CDK6: variants seen among roughly 807,000 people sequenced by gnomAD.
CDK6 encodes the protein cyclin dependent kinase 6, also known as cyclin-dependent kinase 6.
In CDK6, 6 loss-of-function variants were observed where a neutral mutation model predicts 37.1. That is an observed-to-expected ratio of 0.16 (90% CI 0.09 to 0.32). The LOEUF (loss-of-function observed/expected upper bound fraction) is 0.32, where lower values mean the gene tolerates loss of function less well. Ranked by LOEUF, CDK6 falls within the 10% of genes least tolerant of loss-of-function variation. CDK6 has a pLI of 1.00. For missense variants in CDK6, 224 were observed against 418.9 expected, an observed-to-expected ratio of 0.53 and a Z score of 4.06; for synonymous variants, 160 against 161.3, an observed-to-expected ratio of 0.99 and a Z score of 0.06.
intron 4 of CDK6, among the ~76,000 whole-genome samples, chr7:92,696,394 A>G (rs1437155775): frequency 6.6e-6 from 1 of 152,182 alleles, no homozygotes; most frequent in Non-Finnish European, 1.5e-5. Flanking sequence ...GCTTATTATT[A>G]TATGTTGTTG....
chr7:92,754,709 T>G (rs1455458465), intron 3 of CDK6, among the ~76,000 whole-genome samples: 1 of 152,210 alleles, frequency 6.6e-6, no homozygotes, highest in Non-Finnish European at 1.5e-5. Flanking sequence ...ATTTTAGAGT[T>G]TCTTTTCTCA....
At chr7:92,740,833 A>G (rs1798905428) in intron 3 of CDK6, among the ~76,000 whole-genome samples, 1 of 152,154 alleles carries the variant, frequency 6.6e-6, no homozygotes, top group Admixed American at 6.5e-5. Flanking sequence ...CAAGGCCCAT[A>G]TCATCAGAAA....
intron 5 of CDK6, among the ~76,000 whole-genome samples, chr7:92,643,213 T>A (rs1796356268): frequency 6.6e-6 from 1 of 152,128 alleles, no homozygotes; most frequent in South Asian, 2.1e-4. Flanking sequence ...AAAATACAAA[T>A]GAACTAATGG....
At chr7:92,781,805 G>C (rs937431425) in intron 2 of CDK6, among the ~76,000 whole-genome samples, 2 of 152,124 alleles carry the variant, frequency 1.3e-5, no homozygotes, top group African/African-American at 2.4e-5. Flanking sequence ...ATTTGGAATC[G>C]AGAAGAATTT....
chr7:92,690,693 T>C (rs889133581), intron 4 of CDK6, among the ~76,000 whole-genome samples: 2 of 152,246 alleles, frequency 1.3e-5, no homozygotes, highest in Admixed American at 1.3e-4. Flanking sequence ...CACTACTCTA[T>C]GACAACGTAT....
chr7:92,623,487 A>C (rs1346378862), intron 5 of CDK6, among the ~76,000 whole-genome samples: 1 of 151,814 alleles, frequency 6.6e-6, no homozygotes, highest in Non-Finnish European at 1.5e-5. Flanking sequence ...TTTCCATACT[A>C]CTCTGCTATC....
Position 92,606,133 on chromosome 7 carries a change from C to T in CDK6, c.*9007G>A, listed in dbSNP as rs867916818. The T allele has an allele frequency of 1.7e-5, 4 of 233,380 alleles. No homozygotes were observed. Among genetic ancestry groups the T allele is most frequent in the African/African-American group, 8.8e-5 (4 of 45,308 alleles). 14.5% of individuals were successfully genotyped at this position (233,380 alleles called of 1,614,324 possible). On this transcript the variant is annotated 3_prime_UTR_variant, in exon 8 of 8. Coordinates refer to ENST00000424848, the MANE Select transcript of CDK6 (RefSeq NM_001145306.2). ...AATGAATTTCAAGTATGAAGAAATACAGTAAAAGTGTGGCCTGTAGATGGA... is the reference window on the plus strand; with the variant it reads ...AATGAATTTCAAGTATGAAGAAATATAGTAAAAGTGTGGCCTGTAGATGGA...
At chr7:92,745,020 T>G (rs1267526104) in intron 3 of CDK6, among the ~76,000 whole-genome samples, 1 of 152,192 alleles carries the variant, frequency 6.6e-6, no homozygotes, top group South Asian at 2.1e-4. Flanking sequence ...AATGTGATGT[T>G]TTGATAAATG....
intron 2 of CDK6, among the ~76,000 whole-genome samples, chr7:92,814,330 T>C (rs1030178876): frequency 6.6e-6 from 1 of 152,198 alleles, no homozygotes; most frequent in Admixed American, 6.5e-5. Context: ...GAATGTGGAA[T>C]AAATAGGGGA....
chr7:92,669,842 T>C (rs1249253907), intron 5 of CDK6, among the ~76,000 whole-genome samples: 1 of 152,204 alleles, frequency 6.6e-6, no homozygotes, highest in Non-Finnish European at 1.5e-5. Context: ...TCCTGGAGGC[T>C]GTATTAGGAT....
chr7:92,682,101 A>G (rs1797351040), intron 4 of CDK6, among the ~76,000 whole-genome samples: 1 of 151,864 alleles, frequency 6.6e-6, no homozygotes. Flanking sequence ...CCTCTCCTGG[A>G]TGGTCCAAAT....
chr7:92,796,086 T>C (rs1554415428), intron 2 of CDK6, among the ~76,000 whole-genome samples: 1 of 134,400 alleles, frequency 7.4e-6, no homozygotes, highest in Non-Finnish European at 1.6e-5. Flanking sequence ...GAAATTAACT[T>C]GGAGAAAAAA....
chr7:92,648,230 A>G (rs1796494677), intron 5 of CDK6, among the ~76,000 whole-genome samples: 1 of 152,166 alleles, frequency 6.6e-6, no homozygotes, highest in Admixed American at 6.5e-5. Context: ...TGAGTAATAA[A>G]CTAGGCTTTG....
intron 2 of CDK6, among the ~76,000 whole-genome samples, chr7:92,824,367 A>G (rs1801257415): frequency 6.6e-6 from 1 of 152,126 alleles, no homozygotes; most frequent in South Asian, 2.1e-4. Flanking sequence ...TAAAAAATAA[A>G]AGAAAGAAAG....
intron 3 of CDK6, among the ~76,000 whole-genome samples, chr7:92,753,101 T>C (rs1799224059): frequency 6.6e-6 from 1 of 152,178 alleles, no homozygotes; most frequent in Non-Finnish European, 1.5e-5. Flanking sequence ...CTTATTAAGT[T>C]ATTAAATTAT....
At chr7:92,742,029 G>A (rs1250775286) in intron 3 of CDK6, among the ~76,000 whole-genome samples, 2 of 152,090 alleles carry the variant, frequency 1.3e-5, no homozygotes, top group African/African-American at 4.8e-5. Flanking sequence ...GCTAGAAGTG[G>A]TGCTGACAGA....
At chr7:92,712,943 A>C (rs1277130353) in intron 4 of CDK6, among the ~76,000 whole-genome samples, 1 of 152,052 alleles carries the variant, frequency 6.6e-6, no homozygotes, top group Non-Finnish European at 1.5e-5. Context: ...GGCTCACTGC[A>C]ACCTCCGCCT....
At position 92,613,174 on chromosome 7, in the gene CDK6, G is replaced by T. The variant is rs1795599657; in HGVS notation, c.*1966C>A. ...GTTAAGTAGTACAGCAATTAAAAAA[G>T]AATAGTTCCCAACCCCAAAAGCTCT... is the stretch of plus-strand genomic sequence containing the variant. On this transcript the variant is annotated 3_prime_UTR_variant, in exon 8 of 8. Transcript: ENST00000424848. 4.3e-6 allele frequency: 1 copy of T among 233,006 alleles called. No homozygotes were observed. The highest frequency in any genetic ancestry group is 8.5e-6 in the Non-Finnish European group (1 of 118,000). The allele number at this position is 233,006 out of a possible 1,614,324, so 14.4% of individuals were successfully genotyped here.
At chr7:92,820,976 G>A (rs1801157339) in intron 2 of CDK6, among the ~76,000 whole-genome samples, 1 of 151,948 alleles carries the variant, frequency 6.6e-6, no homozygotes, top group South Asian at 2.1e-4. Context: ...AAAAAAGCTG[G>A]GGGTGGGGGG....
Sources: allele counts gnomAD v4.1 joint callset (sites outside exome capture counted in the v4.1 genomes callset), GRCh38; gene constraint gnomAD v4.1.1; transcripts MANE v1.5; gene names NCBI Gene and HGNC (gene_info 2026-07-23, HGNC 2026-07-21).